PDS5A: variants seen among roughly 807,000 people sequenced by gnomAD.
PDS5A encodes PDS5 cohesin associated factor A.
PDS5A carries 42 observed loss-of-function variants against 167.1 expected under a neutral mutation model. That is an observed-to-expected ratio of 0.25 (90% CI 0.20 to 0.33). The LOEUF (loss-of-function observed/expected upper bound fraction) is 0.33. Ranked by LOEUF, PDS5A falls within the 10% of genes least tolerant of loss-of-function variation. PDS5A has a pLI of 1.00. For synonymous variants in PDS5A, 553 were observed against 554.6 expected, an observed-to-expected ratio of 1.00 and a Z score of 0.04; for missense variants, 1,033 against 1,605.9, an observed-to-expected ratio of 0.64 and a Z score of 6.10.
At chr4:39,881,887 G>A (rs984287362) in intron 17 of PDS5A, among the ~76,000 whole-genome samples, 1 of 152,136 alleles carries the variant, frequency 6.6e-6, no homozygotes, top group African/African-American at 2.4e-5. Context: ...CTGAACATGG[G>A]GGCAGTTTCC....
At chr4:39,934,756 A>G (rs1360219724) in intron 2 of PDS5A, among the ~76,000 whole-genome samples, 3 of 151,862 alleles carry the variant, frequency 2.0e-5, no homozygotes, top group Non-Finnish European at 4.4e-5. Flanking sequence ...CTGAATATTT[A>G]CCACATTCCA....
intron 2 of PDS5A, among the ~76,000 whole-genome samples, chr4:39,957,893 C>T (rs867068288): frequency 5.3e-5 from 8 of 151,848 alleles, no homozygotes; most frequent in East Asian, 1.9e-4. Context: ...TGATGGCTCA[C>T]GCCTGTAATC....
intron 31 of PDS5A, 61 bp downstream of exon 31, chr4:39,841,887 C>A: frequency 1.1e-6 from 1 of 883,436 alleles, no homozygotes; most frequent in Non-Finnish European, 1.9e-6. Context: ...TTTCTTATCC[C>A]TACGGAAAAA....
chr4:39,879,865 C>T, intron 17 of PDS5A, 32 bp from the exon 18 acceptor site: 10 of 1,193,222 alleles, frequency 8.4e-6, no homozygotes, highest in Non-Finnish European at 1.3e-5. Flanking sequence ...AATCAGTAAC[C>T]ACTGTAGTAG....
intron 28 of PDS5A, chr4:39,846,878 T>C (rs1331354263): frequency 1.3e-5 from 2 of 152,240 alleles, no homozygotes; most frequent in African/African-American, 4.8e-5. Flanking sequence ...GGCAAAGCTG[T>C]ATCATTTCTT....
At chr4:39,844,397 C>T (rs1007994281) in intron 30 of PDS5A, among the ~76,000 whole-genome samples, 1 of 150,710 alleles carries the variant, frequency 6.6e-6, no homozygotes, top group Non-Finnish European at 1.5e-5. Context: ...ATTGCTTGAA[C>T]CCGGGAGGCA....
intron 16 of PDS5A, among the ~76,000 whole-genome samples, chr4:39,894,512 A>G (rs1259404141): frequency 1.3e-5 from 2 of 152,184 alleles, no homozygotes; most frequent in Non-Finnish European, 2.9e-5. Context: ...GCCCTGAGAG[A>G]CAAGCCCACT....
chr4:39,931,843 T>C lies in PDS5A; in HGVS notation c.139-3679A>G, dbSNP rs564728710. ...ATGATACAATGCCTTCTCATATGTA[T>C]ACCTTATATAGTCTTCTTCCACAAT... On this transcript the variant is annotated intron_variant, in intron 2 of 32. Transcript: ENST00000303538. Among the ~76,000 whole-genome samples the C allele has an allele frequency of 6.1e-4, 92 of 151,880 alleles. No individual in the cohort carries two copies. The Middle Eastern group carries it at 0.024, about 40-fold the overall frequency.
chr4:39,847,970 G>A (rs1717780978), intron 28 of PDS5A: 1 of 152,328 alleles, frequency 6.6e-6, no homozygotes, highest in African/African-American at 2.4e-5. Flanking sequence ...GCGGCAGCAT[G>A]AGATTCTCAC....
intron 26 of PDS5A, 38 bp from the exon 27 acceptor site, chr4:39,849,690 G>A (rs940227597): frequency 6.7e-7 from 1 of 1,495,682 alleles, no homozygotes; most frequent in Admixed American, 1.8e-5. Flanking sequence ...GACGTAGATA[G>A]ATGCTTTAGC....
At chr4:39,951,411 C>A (rs751097921) in intron 2 of PDS5A, among the ~76,000 whole-genome samples, 24 of 152,156 alleles carry the variant, frequency 1.6e-4, no homozygotes, top group Non-Finnish European at 3.1e-4. Context: ...TCAAAATCAG[C>A]AGTTTTCCAA....
intron 29 of PDS5A, 83 bp from the exon 30 acceptor site, chr4:39,844,884 G>C: frequency 7.2e-7 from 1 of 1,393,980 alleles, no homozygotes; most frequent in Non-Finnish European, 9.6e-7. Flanking sequence ...ACACAAGTAA[G>C]AGATATTGTT....
At chr4:39,859,465 C>G (rs1455010977) in intron 26 of PDS5A, among the ~76,000 whole-genome samples, 1 of 152,056 alleles carries the variant, frequency 6.6e-6, no homozygotes, top group African/African-American at 2.4e-5. Flanking sequence ...TTAGTTGGAA[C>G]TTCAAATTAC....
chr4:39,901,262 CTTTCT>C (rs1560467151), intron 13 of PDS5A, among the ~76,000 whole-genome samples: 7 of 122,682 alleles, frequency 5.7e-5, no homozygotes, highest in African/African-American at 2.1e-4. Flanking sequence ...TTTTTCTTTT[CTTTCT>C]TTTTTTTTTT....
chr4:39,955,059 A>G (rs570925780), intron 2 of PDS5A, among the ~76,000 whole-genome samples: 2 of 152,198 alleles, frequency 1.3e-5, no homozygotes, highest in South Asian at 4.1e-4. Flanking sequence ...AAAAATATAA[A>G]TAAATAAATA....
At chr4:39,942,981 C>T (rs1259431615) in intron 2 of PDS5A, among the ~76,000 whole-genome samples, 2 of 152,012 alleles carry the variant, frequency 1.3e-5, no homozygotes, top group African/African-American at 4.8e-5. Flanking sequence ...ATCTGCCCTA[C>T]ACACTAAGAC....
At chr4:39,849,036 C>T in intron 27 of PDS5A, 66 bp from the exon 28 acceptor site, 4 of 1,095,322 alleles carry the variant, frequency 3.7e-6, no homozygotes, top group South Asian at 1.5e-5. Context: ...ACCAATTCCA[C>T]TAAATGTATA....
chr4:39,886,166 TC>T (rs1486102527), intron 17 of PDS5A, among the ~76,000 whole-genome samples: 3 of 152,166 alleles, frequency 2.0e-5, no homozygotes, highest in African/African-American at 4.8e-5. Flanking sequence ...TCAATTCTGT[TC>T]CTTTAGATGT....
chr4:39,869,589 T>C (rs1170386019), intron 21 of PDS5A, 127 bp from the exon 22 acceptor site: 1 of 671,450 alleles, frequency 1.5e-6, no homozygotes, highest in Admixed American at 2.5e-5. Context: ...AACCAGAGCT[T>C]GGAAAAGGAC....
Sources: allele counts gnomAD v4.1 joint callset (sites outside exome capture counted in the v4.1 genomes callset), GRCh38; gene constraint gnomAD v4.1.1; transcripts MANE v1.5; gene names NCBI Gene and HGNC (gene_info 2026-07-23, HGNC 2026-07-21).